Variants in PTCHD4 observed in about 807,000 individuals in gnomAD.
PTCHD4 encodes patched domain containing 4.
In PTCHD4, 33 loss-of-function variants were observed where a neutral mutation model predicts 58.1. That is an observed-to-expected ratio of 0.57 (90% CI 0.43 to 0.76). The LOEUF (loss-of-function observed/expected upper bound fraction) is 0.76. Ranked by LOEUF, PTCHD4 falls within the 30% of genes least tolerant of loss-of-function variation. The probability of loss-of-function intolerance (pLI) is 0.00; values close to 1 mark genes in which losing one functional copy is unlikely to be tolerated. For synonymous variants in PTCHD4, 478 were observed against 409.6 expected, an observed-to-expected ratio of 1.17 and a Z score of -2.02; for missense variants, 1,058 against 1,027.1, an observed-to-expected ratio of 1.03 and a Z score of -0.41.
At chr6:48,055,145 C>A (rs1039822660) in intron 3 of PTCHD4, among the ~76,000 whole-genome samples, 1 of 152,092 alleles carries the variant, frequency 6.6e-6, no homozygotes, top group Admixed American at 6.6e-5. Flanking sequence ...CCCTACTAGT[C>A]CATCAAGAAA....
intron 1 of PTCHD4, among the ~76,000 whole-genome samples, chr6:48,098,413 G>C (rs934660918): frequency 5.4e-5 from 8 of 149,506 alleles, no homozygotes; most frequent in East Asian, 3.9e-4. Flanking sequence ...ATCTCCGCTC[G>C]CTGCAACCTC....
intron 1 of PTCHD4, among the ~76,000 whole-genome samples, chr6:48,074,971 A>C (rs1765036760): frequency 1.3e-5 from 2 of 152,098 alleles, no homozygotes. Context: ...ATATAAGCAT[A>C]TCTTTATTTA....
At chr6:47,988,089 C>T (rs920593129) in intron 4 of PTCHD4, among the ~76,000 whole-genome samples, 1 of 152,018 alleles carries the variant, frequency 6.6e-6, no homozygotes, top group Admixed American at 6.6e-5. Flanking sequence ...AGTCACATAA[C>T]ATTTTATAGA....
At chr6:48,086,948 A>AT (rs1336368272) in intron 1 of PTCHD4, among the ~76,000 whole-genome samples, 5 of 152,020 alleles carry the variant, frequency 3.3e-5, no homozygotes, top group Non-Finnish European at 7.4e-5. Flanking sequence ...TTTAGTTACT[A>AT]TTTTTTTCAA....
At chr6:47,931,459 A>G (rs533421979) in intron 4 of PTCHD4, among the ~76,000 whole-genome samples, 8 of 152,208 alleles carry the variant, frequency 5.3e-5, no homozygotes, top group Non-Finnish European at 1.0e-4. Flanking sequence ...CAAGGGTTTC[A>G]AATGGCAGCT....
intron 4 of PTCHD4, among the ~76,000 whole-genome samples, chr6:47,933,908 T>G (rs543726389): frequency 6.6e-6 from 1 of 152,358 alleles, no homozygotes; most frequent in Admixed American, 6.5e-5. Flanking sequence ...TTAATAAAGG[T>G]ATCAAATTAT....
At chr6:47,956,274 G>C (rs972616766) in intron 4 of PTCHD4, among the ~76,000 whole-genome samples, 1 of 148,512 alleles carries the variant, frequency 6.7e-6, no homozygotes, top group East Asian at 1.9e-4. Context: ...GCCAGCTTCT[G>C]TTTTAAGTAC....
intron 1 of PTCHD4, among the ~76,000 whole-genome samples, chr6:48,109,938 A>G (rs956198424): frequency 1.3e-5 from 2 of 151,886 alleles, no homozygotes; most frequent in African/African-American, 2.4e-5. Flanking sequence ...AAAAAGAGAG[A>G]AAAAAAACAA....
chr6:48,059,676 A>G (rs767367238), intron 3 of PTCHD4, among the ~76,000 whole-genome samples: 27 of 152,086 alleles, frequency 1.8e-4, no homozygotes, highest in Non-Finnish European at 3.1e-4. Flanking sequence ...CTAAAGTCAT[A>G]GACTTAATGG....
intron 3 of PTCHD4, among the ~76,000 whole-genome samples, chr6:48,020,493 C>G (rs543720708): frequency 6.6e-6 from 1 of 151,098 alleles, no homozygotes; most frequent in South Asian, 2.1e-4. Flanking sequence ...AAAGTAATTG[C>G]GGTTTTTGCT....
rs560425603 is a variant in PTCHD4, at chr6:48,065,948, A to T, written c.417+2282T>A. ...TCCCTTCTTTAGCAATTACCCTCTGACTTCTACTAAGATGTATATCAACCA... is the reference window on the plus strand; with the variant it reads ...TCCCTTCTTTAGCAATTACCCTCTGTCTTCTACTAAGATGTATATCAACCA... On this transcript the variant is annotated intron_variant, in intron 3 of 4. Transcript: ENST00000339488. 7.2e-5 allele frequency among the ~76,000 whole-genome samples: 11 copies of T among 152,282 alleles called. No individual in the cohort carries two copies. In the South Asian group the frequency reaches 2.3e-3, roughly 32 times the overall value.
At chr6:48,059,684 T>TG (rs1243663837) in intron 3 of PTCHD4, among the ~76,000 whole-genome samples, 21 of 152,144 alleles carry the variant, frequency 1.4e-4, no homozygotes, top group African/African-American at 5.1e-4. Flanking sequence ...ATAGACTTAA[T>TG]GGGGGTAGGT....
intron 1 of PTCHD4, among the ~76,000 whole-genome samples, chr6:48,094,221 G>A (rs1026631887): frequency 1.3e-5 from 2 of 151,960 alleles, no homozygotes; most frequent in Non-Finnish European, 2.9e-5. Context: ...AAAAATAAAG[G>A]CACAAAAAAG....
At chr6:47,992,867 T>C (rs1272814194) in intron 4 of PTCHD4, among the ~76,000 whole-genome samples, 1 of 152,192 alleles carries the variant, frequency 6.6e-6, no homozygotes, top group Non-Finnish European at 1.5e-5. Flanking sequence ...GGTAGAAAGA[T>C]GTATGTCAAC....
chr6:47,867,220 T>G lies in PTCHD4; in HGVS notation c.*11083A>C, dbSNP rs1456398793. 1.3e-5 allele frequency among the ~76,000 whole-genome samples: 2 copies of G among 151,756 alleles called. No homozygotes were observed. The highest frequency in any genetic ancestry group is 2.9e-5 in the Non-Finnish European group (2 of 67,814). ...GAGTTTGGGTTCCCAGCAATCCATGTCAGTCTCTTACTCTCACACTTTGAG... is the reference window on the plus strand; with the variant it reads ...GAGTTTGGGTTCCCAGCAATCCATGGCAGTCTCTTACTCTCACACTTTGAG... On this transcript the variant is annotated 3_prime_UTR_variant, in exon 5 of 5. Transcript: ENST00000339488.
intron 3 of PTCHD4, among the ~76,000 whole-genome samples, chr6:48,036,174 T>A (rs1188486380): frequency 6.6e-6 from 1 of 151,992 alleles, no homozygotes; most frequent in Non-Finnish European, 1.5e-5. Flanking sequence ...TCCGAGAAAT[T>A]AAGTATGTGT....
intron 3 of PTCHD4, among the ~76,000 whole-genome samples, chr6:48,062,473 T>TA (rs1440168460): frequency 6.6e-6 from 1 of 152,188 alleles, no homozygotes; most frequent in African/African-American, 2.4e-5. Context: ...CACTTTTTTT[T>TA]AACCCTCTTT....
At chr6:48,001,532 G>C (rs147554338) in intron 4 of PTCHD4, among the ~76,000 whole-genome samples, 7,193 of 152,248 alleles carry the variant, frequency 0.047, 200 homozygotes, top group African/African-American at 0.058. Context: ...TTAATAAATG[G>C]TGCTGGGAAA....
At position 48,009,055 on chromosome 6, in the gene PTCHD4, G is replaced by A. The variant is rs369002534; in HGVS notation, c.477C>T (p.Ser159=). The A allele has an allele frequency of 1.2e-6, 2 of 1,613,844 alleles. No homozygotes were observed. The highest frequency in any genetic ancestry group is 1.7e-6 in the Non-Finnish European group (2 of 1,179,842). ...TGGCTGACTTGACCCGCTGATCTTT[G>A]CTGTTTGGCACTTCCACTACCCCGC... ...QLGGVVEVPN[S]KDQRVKSARA... Residue 159 remains serine (S), a synonymous_variant, in exon 4 of 5, where the codon AGC becomes AGT. Coordinates refer to ENST00000339488, the MANE Select transcript of PTCHD4 (RefSeq NM_001384253.1).
Sources: allele counts gnomAD v4.1 joint callset (sites outside exome capture counted in the v4.1 genomes callset), GRCh38; gene constraint gnomAD v4.1.1; transcripts MANE v1.5; gene names NCBI Gene and HGNC (gene_info 2026-07-23, HGNC 2026-07-21).